The following NRF1 variants were observed in gnomAD, a reference collection of about 807,000 sequenced individuals.
NRF1 encodes nuclear respiratory factor 1.
Under a neutral mutation model 58.5 loss-of-function variants are expected in NRF1, and 5 were observed. The observed-to-expected ratio is 0.09, with a 90% confidence interval of 0.04 to 0.18. NRF1 has a LOEUF of 0.18. Among genes scored for constraint, NRF1 ranks in the 10% least tolerant of loss-of-function variants. The probability of loss-of-function intolerance (pLI) is 1.00; values close to 1 mark genes in which losing one functional copy is unlikely to be tolerated. For synonymous variants in NRF1, 224 were observed against 246.7 expected (o/e 0.91, Z 0.86); for missense variants, 288 against 657.7 (o/e 0.44, Z 6.15).
Position 129,698,023 on chromosome 7 carries a change from C to T in NRF1, c.606+7477C>T, listed in dbSNP as rs529945730. On this transcript the variant is annotated intron_variant, in intron 5 of 10. Coordinates refer to ENST00000393232, the MANE Select transcript of NRF1 (RefSeq NM_005011.5). ...TTAGGATTACAGGTGTGAGCCACTG[C>T]ACCCAGCCAACATTTACTTTTTAAA... 1.5e-3 allele frequency among the ~76,000 whole-genome samples: 230 copies of T among 152,210 alleles called. 1 individual carries two copies. Among genetic ancestry groups the T allele is most frequent in the Non-Finnish European group, 2.2e-3 (150 of 68,004 alleles).
intron 5 of NRF1, among the ~76,000 whole-genome samples, chr7:129,708,284 A>G (rs980504872): frequency 3.9e-5 from 6 of 152,370 alleles, no homozygotes; most frequent in African/African-American, 1.2e-4. Context: ...CCCTCCCCCA[A>G]CACACACAGA....
intron 9 of NRF1, among the ~76,000 whole-genome samples, chr7:129,725,034 G>T (rs1803417829): frequency 6.6e-6 from 1 of 152,148 alleles, no homozygotes; most frequent in Admixed American, 6.5e-5. Flanking sequence ...AGCATAGCAA[G>T]ATCCCATCTC....
intron 2 of NRF1, among the ~76,000 whole-genome samples, chr7:129,669,302 G>A (rs1801993218): frequency 6.6e-6 from 1 of 151,928 alleles, no homozygotes; most frequent in African/African-American, 2.4e-5. Flanking sequence ...TGTATACTTG[G>A]ATTTGTATAC....
At chr7:129,685,316 T>C (rs1352573526) in intron 4 of NRF1, among the ~76,000 whole-genome samples, 1 of 152,076 alleles carries the variant, frequency 6.6e-6, no homozygotes, top group Admixed American at 6.6e-5. Flanking sequence ...CTTGGGAGGC[T>C]GAGGTGGGAG....
At chr7:129,618,768 G>GT (rs911834419) in intron 1 of NRF1, among the ~76,000 whole-genome samples, 4 of 151,902 alleles carry the variant, frequency 2.6e-5, no homozygotes, top group Non-Finnish European at 5.9e-5. Flanking sequence ...ATGTTTTGGA[G>GT]TTTTTTTTGA....
chr7:129,727,399 C>T (rs767578380), intron 10 of NRF1, 34 bp downstream of exon 10: 9 of 1,562,484 alleles, frequency 5.8e-6, no homozygotes, highest in African/African-American at 1.4e-5. Context: ...TAAATTTCTT[C>T]CCTGTTTCCA....
intron 10 of NRF1, among the ~76,000 whole-genome samples, chr7:129,749,019 G>A (rs1804049377): frequency 6.6e-6 from 1 of 152,212 alleles, no homozygotes; most frequent in Non-Finnish European, 1.5e-5. Flanking sequence ...GTGCTCCCCT[G>A]GTGCCACCAT....
chr7:129,716,227 C>T (rs1333045600), intron 8 of NRF1, among the ~76,000 whole-genome samples: 2 of 151,998 alleles, frequency 1.3e-5, no homozygotes, highest in Non-Finnish European at 2.9e-5. Flanking sequence ...TGTAAATATA[C>T]TTCCATATAG....
chr7:129,641,131 G>A (rs1379461179), intron 1 of NRF1, among the ~76,000 whole-genome samples: 1 of 152,086 alleles, frequency 6.6e-6, no homozygotes, highest in Non-Finnish European at 1.5e-5. Flanking sequence ...AGCTTCACTT[G>A]TGGTTACTTC....
At position 129,717,234 on chromosome 7, in the gene NRF1, G is replaced by A. The variant is rs928987072; in HGVS notation, c.1081G>A (p.Ala361Thr). 6.2e-7 allele frequency: 1 copy of A among 1,606,700 alleles called. No individual in the cohort carries two copies. ...TCTGCCTCAGGTGGAACAAAATTGG[G>A]CCACGTTACAGGGAGGTGAGATGAC... ...VADGEVEQNW[A>T]TLQGGEMTIQ... The change falls in exon 9 of 11, where the codon GCC (alanine) becomes ACC (threonine). Residue 361 changes from alanine to threonine, a missense_variant. Transcript: ENST00000393232.
intron 5 of NRF1, among the ~76,000 whole-genome samples, chr7:129,694,115 T>A (rs1802631717): frequency 6.6e-6 from 1 of 152,172 alleles, no homozygotes; most frequent in South Asian, 2.1e-4. Context: ...GGTGCACATT[T>A]TCTCTATCAT....
intron 10 of NRF1, among the ~76,000 whole-genome samples, chr7:129,727,689 C>G (rs142229251): frequency 6.6e-6 from 1 of 152,190 alleles, no homozygotes; most frequent in Admixed American, 6.5e-5. Flanking sequence ...ACTGTCTCAT[C>G]GGATAGGGTA....
intron 5 of NRF1, among the ~76,000 whole-genome samples, chr7:129,703,683 A>G (rs1450102557): frequency 6.6e-6 from 1 of 152,238 alleles, no homozygotes; most frequent in Non-Finnish European, 1.5e-5. Flanking sequence ...TTATAGTAGA[A>G]AATACCTTTT....
At chr7:129,616,124 C>G (rs1258456145) in intron 1 of NRF1, among the ~76,000 whole-genome samples, 1 of 151,854 alleles carries the variant, frequency 6.6e-6, no homozygotes, top group African/African-American at 2.4e-5. Flanking sequence ...TATTTTCAGC[C>G]CAACTTAATG....
chr7:129,755,643 G>T lies in NRF1; in HGVS notation c.*462G>T, dbSNP rs1298561465. 1 of 152,456 alleles carries T rather than the reference G, an allele frequency of 6.6e-6. No individual in the cohort carries two copies. The highest frequency in any genetic ancestry group is 1.9e-4 in the East Asian group (1 of 5,204). 9.4% of individuals were successfully genotyped at this position (152,456 alleles called of 1,614,324 possible). The stretch of plus-strand genomic sequence containing the variant: ...AATAATTCACCCAGTTTAGTGGGTG[G>T]TAGGGTACGTGGCCAGACACAGTCA... On this transcript the variant is annotated 3_prime_UTR_variant, in exon 11 of 11. Transcript: ENST00000393232. This position sits in a 1 kb window ranked among gnomAD's most constrained non-coding sequence, Gnocchi z 5.8.
At chr7:129,639,094 C>A (rs903976795) in intron 1 of NRF1, among the ~76,000 whole-genome samples, 1 of 152,164 alleles carries the variant, frequency 6.6e-6, no homozygotes, top group South Asian at 2.1e-4. Context: ...GGTTCTCACT[C>A]TGTCCCCCAG....
At chr7:129,614,938 A>C (rs1010063094) in intron 1 of NRF1, among the ~76,000 whole-genome samples, 7 of 152,210 alleles carry the variant, frequency 4.6e-5, no homozygotes, top group Non-Finnish European at 8.8e-5. Flanking sequence ...ATTTTATGTA[A>C]ATAATCACGA....
chr7:129,669,111 C>T (rs1322962737), intron 2 of NRF1, among the ~76,000 whole-genome samples: 1 of 152,102 alleles, frequency 6.6e-6, no homozygotes, highest in Non-Finnish European at 1.5e-5. Flanking sequence ...CCATGCCCAG[C>T]TAATTTTGTA....
chr7:129,728,828 G>T (rs868626017), intron 10 of NRF1, among the ~76,000 whole-genome samples: 8 of 149,496 alleles, frequency 5.4e-5, no homozygotes, highest in Admixed American at 6.7e-5. Flanking sequence ...AGGGAAAGAG[G>T]CTTTTGTGCT....
Sources: allele counts gnomAD v4.1 joint callset (sites outside exome capture counted in the v4.1 genomes callset), GRCh38; gene constraint gnomAD v4.1.1; non-coding constraint Gnocchi (gnomAD v3.1); transcripts MANE v1.5; gene names NCBI Gene and HGNC (gene_info 2026-07-23, HGNC 2026-07-21).